TLK2: variants seen among roughly 807,000 people sequenced by gnomAD.
TLK2 encodes tousled like kinase 2, also known as serine/threonine-protein kinase tousled-like 2.
In TLK2, 6 loss-of-function variants were observed where a neutral mutation model predicts 117.3. The observed-to-expected ratio is 0.05, with a 90% CI of 0.03 to 0.10. The LOEUF is 0.10. Among genes scored for constraint, TLK2 ranks in the 10% least tolerant of loss-of-function variants. TLK2 has a pLI of 1.00. For synonymous variants in TLK2, 257 were observed against 316.7 expected, an observed-to-expected ratio of 0.81 and a Z score of 2.00; for missense variants, 299 against 901.2, an observed-to-expected ratio of 0.33 and a Z score of 8.56.
At chr17:62,593,205 A>G (rs1338213005) in intron 16 of TLK2, among the ~76,000 whole-genome samples, 1 of 152,192 alleles carries the variant, frequency 6.6e-6, no homozygotes, top group Admixed American at 6.5e-5. Flanking sequence ...AATATACAGT[A>G]TAAAAATGGT....
intron 7 of TLK2, among the ~76,000 whole-genome samples, chr17:62,543,579 A>C (rs1598473856): frequency 6.6e-6 from 1 of 152,134 alleles, no homozygotes; most frequent in South Asian, 2.1e-4. Context: ...TGCATTCCCC[A>C]AAAAACTGGT....
intron 2 of TLK2, among the ~76,000 whole-genome samples, chr17:62,517,122 C>G (rs1247534522): frequency 6.6e-6 from 1 of 152,124 alleles, no homozygotes; most frequent in African/African-American, 2.4e-5. Flanking sequence ...CCAGACTGGT[C>G]TCAAACTCCT....
chr17:62,572,417 G>GT (rs759144153), intron 11 of TLK2, among the ~76,000 whole-genome samples: 2,046 of 142,126 alleles, frequency 0.014, 26 homozygotes, highest in African/African-American at 0.03. Flanking sequence ...GAGAGAAAGT[G>GT]TTTTTTTTTT....
At chr17:62,583,423 A>G (rs2081359609) in intron 15 of TLK2, among the ~76,000 whole-genome samples, 1 of 152,068 alleles carries the variant, frequency 6.6e-6, no homozygotes, top group Admixed American at 6.6e-5. Flanking sequence ...TTGGGTGTCC[A>G]GTTATCTCTG....
intron 7 of TLK2, among the ~76,000 whole-genome samples, chr17:62,539,473 CTTTT>C (rs1047610954): frequency 7.7e-6 from 1 of 129,082 alleles, no homozygotes; most frequent in African/African-American, 2.9e-5. Context: ...ACCTCCCTCT[CTTTT>C]TTTTTTTTTT....
chr17:62,531,509 T>A (rs1300927223), intron 6 of TLK2, among the ~76,000 whole-genome samples: 2 of 152,246 alleles, frequency 1.3e-5, no homozygotes, highest in Non-Finnish European at 2.9e-5. Flanking sequence ...GAAGCTTTTA[T>A]GAATCTGTTT....
intron 2 of TLK2, among the ~76,000 whole-genome samples, chr17:62,498,609 T>C (rs1598219497): frequency 6.6e-6 from 1 of 152,150 alleles, no homozygotes; most frequent in African/African-American, 2.4e-5. Flanking sequence ...CAGGCTGGTC[T>C]CGAACTCCTG....
intron 12 of TLK2, among the ~76,000 whole-genome samples, chr17:62,576,347 G>A (rs186172093): frequency 5.9e-4 from 90 of 152,240 alleles, no homozygotes; most frequent in Non-Finnish European, 1.8e-4. Context: ...CAAATCCATT[G>A]GCTTATTGTT....
chr17:62,546,794 A>T (rs562299405), intron 7 of TLK2, among the ~76,000 whole-genome samples: 12 of 152,014 alleles, frequency 7.9e-5, no homozygotes, highest in African/African-American at 2.9e-4. Context: ...TCCTGACCTC[A>T]GGTGATCCAC....
chr17:62,476,227 G>A (rs1299127366), upstream of TLK2, among the ~76,000 whole-genome samples: 9 of 152,094 alleles, frequency 5.9e-5, no homozygotes, highest in South Asian at 8.3e-4. Flanking sequence ...TGATCCACCC[G>A]CCTTAGCCTC....
intron 15 of TLK2, among the ~76,000 whole-genome samples, chr17:62,581,208 G>A (rs999713334): frequency 2.6e-5 from 4 of 152,082 alleles, no homozygotes; most frequent in African/African-American, 7.2e-5. Context: ...TTGCTACATT[G>A]CCCAGGCAGG....
chr17:62,562,348 G>A (rs1021942200), intron 10 of TLK2, among the ~76,000 whole-genome samples: 1 of 152,290 alleles, frequency 6.6e-6, no homozygotes, highest in Admixed American at 6.5e-5. Flanking sequence ...GTAGTAGAAT[G>A]AGACTGTCTC....
rs757619359 is a variant in TLK2, at chr17:62,578,582, A to G, written c.1286+8A>G. 6.2e-7 allele frequency: 1 copy of G among 1,601,588 alleles called. No individual in the cohort carries two copies. The highest frequency in any genetic ancestry group is 8.6e-7 in the Non-Finnish European group (1 of 1,168,876). Reference sequence around the variant, plus strand: ...TAATGAAGATAATTCACAGTAAGCTACTTCAGGGCATATTGGGTTGGAGAT... The same window carrying G: ...TAATGAAGATAATTCACAGTAAGCTGCTTCAGGGCATATTGGGTTGGAGAT... On this transcript the variant is annotated splice_region_variant and intron_variant, in intron 14 of 21. Transcript: ENST00000346027.
chr17:62,497,854 C>G (rs557391362), intron 2 of TLK2, among the ~76,000 whole-genome samples: 2 of 152,258 alleles, frequency 1.3e-5, no homozygotes, highest in Admixed American at 1.3e-4. Flanking sequence ...GCCACCATGC[C>G]CAGCTAATAT....
chr17:62,539,753 C>G (rs575613098), intron 7 of TLK2, among the ~76,000 whole-genome samples: 1 of 152,120 alleles, frequency 6.6e-6, no homozygotes, highest in South Asian at 2.1e-4. Flanking sequence ...CCTCCCGCCT[C>G]GGCCTCCCCA....
At chr17:62,512,504 C>T (rs1339880714) in intron 2 of TLK2, among the ~76,000 whole-genome samples, 1 of 151,942 alleles carries the variant, frequency 6.6e-6, no homozygotes, top group Non-Finnish European at 1.5e-5. Flanking sequence ...GAGCCACCGC[C>T]CCCGGCCTAC....
At chr17:62,497,425 ATGT>A (rs2073808647) in intron 2 of TLK2, among the ~76,000 whole-genome samples, 1 of 152,312 alleles carries the variant, frequency 6.6e-6, no homozygotes, top group South Asian at 2.1e-4. Flanking sequence ...ATTATTAGAG[ATGT>A]TGTGTGGAGA....
intron 9 of TLK2, among the ~76,000 whole-genome samples, chr17:62,558,739 C>T (rs2079041862): frequency 6.6e-6 from 1 of 152,108 alleles, no homozygotes; most frequent in Non-Finnish European, 1.5e-5. Flanking sequence ...TGTACAAAAA[C>T]TAACAGGAAG....
chr17:62,568,415 G>A (rs1288547044), intron 11 of TLK2, among the ~76,000 whole-genome samples: 1 of 139,886 alleles, frequency 7.1e-6, no homozygotes, highest in Non-Finnish European at 1.5e-5. Context: ...CTGGGTGACA[G>A]AGCGAGACCC....
Sources: allele counts gnomAD v4.1 joint callset (sites outside exome capture counted in the v4.1 genomes callset), GRCh38; gene constraint gnomAD v4.1.1; transcripts MANE v1.5; gene names NCBI Gene and HGNC (gene_info 2026-07-23, HGNC 2026-07-21).